The following NEK6 variants were observed in gnomAD, a reference collection of about 807,000 sequenced individuals.
NEK6 encodes the protein NIMA related kinase 6, also known as serine/threonine-protein kinase Nek6.
NEK6 carries 27 observed loss-of-function variants against 43.5 expected under a neutral mutation model. That is an observed-to-expected ratio of 0.62 (90% confidence interval 0.46 to 0.86). The LOEUF (loss-of-function observed/expected upper bound fraction) is 0.86, where lower values mean the gene tolerates loss of function less well. NEK6 is among the 40% of genes least tolerant of loss of function. The probability of loss-of-function intolerance (pLI) is 0.00; values close to 1 mark genes in which losing one functional copy is unlikely to be tolerated. For synonymous variants in NEK6, 167 were observed against 164.1 expected (o/e 1.02, Z -0.14); for missense variants, 318 against 414.4 (o/e 0.77, Z 2.02).
chr9:124,321,463 T>G lies in NEK6; in HGVS notation c.299T>G (p.Leu100Arg). Residue 100 changes from leucine to arginine, a missense_variant, in exon 5 of 10, where the codon CTG becomes CGG. This residue lies in a region of NEK6 where 239 missense variants were observed against 344.4 expected (regional missense o/e 0.69). Coordinates refer to ENST00000320246, the MANE Select transcript of NEK6 (RefSeq NM_014397.6). Reference protein sequence around the residue: ...CVKEIGLLKQLNHPNIIKYLD... With the variant: ...CVKEIGLLKQRNHPNIIKYLD... ...CCTCTTTCCCTCCTCATGCAGCAACTGAACCACCCAAATATCATCAAGTAT... is the reference window on the plus strand; with the variant it reads ...CCTCTTTCCCTCCTCATGCAGCAACGGAACCACCCAAATATCATCAAGTAT... 1 of 1,610,726 alleles carries G rather than the reference T, an allele frequency of 6.2e-7. No individual in the cohort carries two copies. The highest frequency in any genetic ancestry group is 8.5e-7 in the Non-Finnish European group (1 of 1,177,108).
Position 124,326,397 on chromosome 9 carries a change from G to A in NEK6, c.473G>A (p.Ser158Asn), listed in dbSNP as rs200565078. ...TGGAAGTACTTTGTGCAGCTGTGCA[G>A]CGCCGTGGAGCACATGCATTCACGC... is the stretch of plus-strand genomic sequence containing the variant. ...TVWKYFVQLC[S>N]AVEHMHSRRV... The change falls in exon 6 of 10, where the codon AGC becomes AAC. Residue 158 changes from serine (S) to asparagine (N), a missense_variant. Ser to Asn is a conservative substitution (Grantham distance 46). Transcript: ENST00000320246. The surrounding 1 kb of genome is among the most constrained non-coding windows in gnomAD (Gnocchi z 4.5). 1.1e-4 allele frequency: 177 copies of A among 1,611,044 alleles called. 1 individual carries two copies. The South Asian group carries it at 1.8e-3, about 16-fold the overall frequency.
At chr9:124,263,245 G>A (rs912142751) in intron 1 of NEK6, among the ~76,000 whole-genome samples, 2 of 152,180 alleles carry the variant, frequency 1.3e-5, no homozygotes, top group African/African-American at 2.4e-5. Flanking sequence ...GACGAGCACT[G>A]GGTTTATTTA....
At chr9:124,257,709 CG>C, upstream of NEK6, 1 of 1,533,206 alleles carries the variant, frequency 6.5e-7, no homozygotes, top group Non-Finnish European at 8.7e-7. Flanking sequence ...GGGGAGACGC[CG>C]GCCTGCGCCC....
At chr9:124,280,300 C>T (rs1831839967) in intron 1 of NEK6, among the ~76,000 whole-genome samples, 2 of 152,202 alleles carry the variant, frequency 1.3e-5, no homozygotes, top group African/African-American at 4.8e-5. Context: ...TGGGGCCCAC[C>T]CTGCCCCTGG....
At chr9:124,263,736 T>A (rs1192510580) in intron 1 of NEK6, among the ~76,000 whole-genome samples, 2 of 152,140 alleles carry the variant, frequency 1.3e-5, no homozygotes, top group African/African-American at 4.8e-5. Flanking sequence ...AGCACCTTCC[T>A]AGGATCATGG....
intron 1 of NEK6, among the ~76,000 whole-genome samples, chr9:124,276,995 T>TG (rs1831675420): frequency 1.3e-5 from 2 of 151,404 alleles, no homozygotes; most frequent in Non-Finnish European, 3.0e-5. Flanking sequence ...GAAGGGGAGA[T>TG]GGGGTCTTAG....
chr9:124,338,063 C>T (rs779920945), intron 7 of NEK6, among the ~76,000 whole-genome samples: 1 of 152,140 alleles, frequency 6.6e-6, no homozygotes. Flanking sequence ...TCACTGCAGC[C>T]TTCACCTCCT....
chr9:124,270,813 C>G (rs1831409372), intron 1 of NEK6, among the ~76,000 whole-genome samples: 1 of 152,226 alleles, frequency 6.6e-6, no homozygotes, highest in Non-Finnish European at 1.5e-5. Context: ...CATTATTCCA[C>G]CAGACTCCAC....
intron 8 of NEK6, among the ~76,000 whole-genome samples, chr9:124,340,290 T>C (rs1411195330): frequency 6.6e-6 from 1 of 152,212 alleles, no homozygotes; most frequent in African/African-American, 2.4e-5. Flanking sequence ...CCCACCCATT[T>C]TGTCCAGCCA....
At chr9:124,280,405 C>T (rs1013410841) in intron 1 of NEK6, among the ~76,000 whole-genome samples, 4 of 152,252 alleles carry the variant, frequency 2.6e-5, no homozygotes, top group Non-Finnish European at 5.9e-5. Flanking sequence ...TTGCCGCTCA[C>T]GCTGAGACTG....
chr9:124,307,127 G>GT (rs1427915053), intron 2 of NEK6, among the ~76,000 whole-genome samples: 2 of 103,470 alleles, frequency 1.9e-5, no homozygotes, highest in East Asian at 4.0e-4. Flanking sequence ...TTATGCTCCT[G>GT]TTTAAAAAAA....
At chr9:124,267,938 C>G (rs2118896533) in intron 1 of NEK6, among the ~76,000 whole-genome samples, 1 of 152,378 alleles carries the variant, frequency 6.6e-6, no homozygotes. Context: ...CATGGCCCCA[C>G]TTTCCAAACT....
intron 1 of NEK6, among the ~76,000 whole-genome samples, chr9:124,264,426 A>G (rs1374223014): frequency 6.6e-6 from 1 of 152,184 alleles, no homozygotes; most frequent in Non-Finnish European, 1.5e-5. Context: ...CGTGATCCTC[A>G]GGCACCCTTG....
At chr9:124,283,756 G>C (rs1832029088) in intron 1 of NEK6, among the ~76,000 whole-genome samples, 1 of 152,228 alleles carries the variant, frequency 6.6e-6, no homozygotes, top group African/African-American at 2.4e-5. Context: ...CCTCTGCCTG[G>C]AGTGCCCTGC....
chr9:124,350,800 C>A, intron 9 of NEK6, 37 bp from the exon 10 acceptor site: 2 of 1,500,216 alleles, frequency 1.3e-6, no homozygotes, highest in Non-Finnish European at 9.3e-7. Context: ...AGTAAGACTG[C>A]TTTCTTGAGA....
In NEK6 at chr9:124,280,200, G is replaced by A. The variant is rs572122316; in HGVS notation, c.-29-21736G>A. ...CTTCCAGTCCACACTTGTGGCTTTG[G>A]ATCAGCTCAGAAAAAGTGTGTCCTG... On this transcript the variant is annotated intron_variant, in intron 1 of 9. Coordinates refer to ENST00000320246, the MANE Select transcript of NEK6 (RefSeq NM_014397.6). Among the ~76,000 whole-genome samples, 90 of 152,362 alleles carry A rather than the reference G, an allele frequency of 5.9e-4. 1 individual carries two copies. The Middle Eastern group carries it at 0.017, about 29-fold the overall frequency.
In NEK6 at chr9:124,261,575, C is replaced by A. The variant is rs867236309; in HGVS notation, c.-30+3490C>A. ...AGTCCTAAATATCTGACAGCGAGAT[C>A]GCTTGTAGGTAGGCTTCTTGTCACT... is the stretch of plus-strand genomic sequence containing the variant. On this transcript the variant is annotated intron_variant, in intron 1 of 9. Transcript: ENST00000320246. 4.7e-5 allele frequency: 46 copies of A among 985,294 alleles called. No individual in the cohort carries two copies. The African/African-American group carries it at 6.6e-4, about 14-fold the overall frequency. 61.0% of individuals were successfully genotyped at this position (985,294 alleles called of 1,614,324 possible).
At chr9:124,276,068 G>A (rs1466246278) in intron 1 of NEK6, among the ~76,000 whole-genome samples, 4 of 152,114 alleles carry the variant, frequency 2.6e-5, no homozygotes. Flanking sequence ...GGGGCTGGGA[G>A]GCGGCTGTGA....
intron 7 of NEK6, among the ~76,000 whole-genome samples, chr9:124,336,247 AAAG>A (rs371755876): frequency 3.3e-5 from 5 of 151,794 alleles, no homozygotes; most frequent in Admixed American, 6.6e-5. Flanking sequence ...TAAAGAAAAA[AAAG>A]AAGAAGAAAG....
Sources: allele counts gnomAD v4.1 joint callset (sites outside exome capture counted in the v4.1 genomes callset), GRCh38; gene constraint gnomAD v4.1.1; regional missense constraint gnomAD v4.1.1; non-coding constraint Gnocchi (gnomAD v3.1); transcripts MANE v1.5; gene names NCBI Gene and HGNC (gene_info 2026-07-23, HGNC 2026-07-21).